The following PTPRD variants were observed in gnomAD, a reference collection of about 807,000 sequenced individuals.
PTPRD encodes receptor-type tyrosine-protein phosphatase delta.
Under a neutral mutation model 214.5 loss-of-function variants are expected in PTPRD, and 34 were observed. That is an observed-to-expected ratio of 0.16 (90% CI 0.12 to 0.21). PTPRD has a LOEUF of 0.21. Ranked by LOEUF, PTPRD falls within the 10% of genes least tolerant of loss-of-function variation. The pLI, the probability that PTPRD is intolerant of heterozygous loss-of-function variation, is 1.00. For missense variants in PTPRD, 2,545 were observed against 2,398.7 expected, an observed-to-expected ratio of 1.06 and a Z score of -1.27; for synonymous variants, 1,128 against 845.7, an observed-to-expected ratio of 1.33 and a Z score of -5.79.
At chr9:9,838,038 G>A (rs191236168) in intron 5 of PTPRD, among the ~76,000 whole-genome samples, 130 of 152,140 alleles carry the variant, frequency 8.5e-4, no homozygotes, top group African/African-American at 2.6e-3. Context: ...GTGTCCTTGC[G>A]ATAGTTTACT....
At chr9:10,095,512 A>G (rs980477341) in intron 3 of PTPRD, among the ~76,000 whole-genome samples, 1 of 151,610 alleles carries the variant, frequency 6.6e-6, no homozygotes, top group Non-Finnish European at 1.5e-5. Context: ...CTCATAATCA[A>G]CAACTGCATT....
chr9:10,427,304 A>G (rs1009713572), intron 2 of PTPRD, among the ~76,000 whole-genome samples: 1 of 152,078 alleles, frequency 6.6e-6, no homozygotes, highest in Non-Finnish European at 1.5e-5. Context: ...GCACACCACT[A>G]TGAAACCTAT....
intron 3 of PTPRD, among the ~76,000 whole-genome samples, chr9:10,248,960 G>T (rs984786793): frequency 2.0e-5 from 3 of 151,708 alleles, no homozygotes; most frequent in African/African-American, 7.3e-5. Context: ...TTTACCTAAG[G>T]GGTCAGTAAT....
At chr9:10,202,671 G>GATATATATATATATATATATATATAT (rs77962535) in intron 3 of PTPRD, among the ~76,000 whole-genome samples, 3 of 113,112 alleles carry the variant, frequency 2.7e-5, no homozygotes, top group Non-Finnish European at 5.3e-5. Context: ...AAATTATATG[G>GATATATATATATATATATATATATAT]ATATATATAT....
intron 5 of PTPRD, among the ~76,000 whole-genome samples, chr9:9,792,116 C>T (rs2098972009): frequency 2.9e-5 from 1 of 34,656 alleles, no homozygotes; most frequent in Non-Finnish European, 7.0e-5. Context: ...GATTTTCTGA[C>T]ACTTTTTAAA....
chr9:9,652,687 T>C, intron 7 of PTPRD, among the ~76,000 whole-genome samples: 1 of 151,802 alleles, frequency 6.6e-6, no homozygotes, highest in East Asian at 2.0e-4. Context: ...CGATCTCGGC[T>C]CACTGCAATC....
At chr9:9,454,058 G>C (rs1048381632) in intron 8 of PTPRD, among the ~76,000 whole-genome samples, 2 of 151,424 alleles carry the variant, frequency 1.3e-5, no homozygotes, top group East Asian at 3.9e-4. Flanking sequence ...TTTCCTGAAA[G>C]AATTTCACGA....
intron 14 of PTPRD, among the ~76,000 whole-genome samples, chr9:8,630,153 G>T (rs1421062851): frequency 6.6e-6 from 1 of 151,774 alleles, no homozygotes. Context: ...GCATTTGTCA[G>T]TAAAGCAGGG....
In PTPRD at chr9:8,331,718, C is replaced by T. The variant is rs1370795762; in HGVS notation, c.5398G>A (p.Val1800Ile). 4 of 1,606,584 alleles carry T rather than the reference C, an allele frequency of 2.5e-6. No individual in the cohort carries two copies. The highest frequency in any genetic ancestry group is 3.4e-6 in the Non-Finnish European group (4 of 1,176,826). ...TDARDGQSRT[V>I]RQFQFTDWPE... ...CAGTCAGTGAACTGGAACTGCCTTA[C>T]TGTTCGGGACTGGCCGTCCTTTAGA... Residue 1800 changes from valine to isoleucine, a missense_variant, in exon 44 of 46, where the codon GTA becomes ATA. Transcript: ENST00000381196.
At chr9:9,164,881 AAAAC>A (rs869128697) in intron 10 of PTPRD, among the ~76,000 whole-genome samples, 1 of 131,954 alleles carries the variant, frequency 7.6e-6, no homozygotes, top group African/African-American at 3.3e-5. Context: ...AAAACAAAAC[AAAAC>A]AAACAAACCA....
chr9:10,267,979 C>G (rs2094177707), intron 3 of PTPRD, among the ~76,000 whole-genome samples: 1 of 151,934 alleles, frequency 6.6e-6, no homozygotes, highest in Non-Finnish European at 1.5e-5. Flanking sequence ...AAAAAATATG[C>G]TAAAAAAATA....
chr9:8,685,404 C>A (rs566945418), intron 12 of PTPRD, among the ~76,000 whole-genome samples: 10 of 152,178 alleles, frequency 6.6e-5, no homozygotes, highest in African/African-American at 2.2e-4. Context: ...AACCAACAGA[C>A]GAGAGCTTAA....
rs564605489 is a variant in PTPRD at position 8,739,625 on chromosome 9, G to A, written c.-103-5679C>T. On this transcript the variant is annotated intron_variant, in intron 11 of 45. Transcript: ENST00000381196. Reference sequence around the variant, plus strand: ...AATGAGGTGAGAATTCTGAGTTCTCGTAGTCCTTGGCTTCCCAATAACCAG... The same window carrying A: ...AATGAGGTGAGAATTCTGAGTTCTCATAGTCCTTGGCTTCCCAATAACCAG... 3.9e-5 allele frequency among the ~76,000 whole-genome samples: 6 copies of A among 152,264 alleles called. 1 individual carries two copies. Among genetic ancestry groups the A allele is most frequent in the Admixed American group, 2.6e-4 (4 of 15,302 alleles).
At chr9:9,922,010 A>C (rs1414602538) in intron 5 of PTPRD, among the ~76,000 whole-genome samples, 1 of 152,108 alleles carries the variant, frequency 6.6e-6, no homozygotes, top group Admixed American at 6.6e-5. Context: ...TAATTCAATA[A>C]ATTGTGGAGG....
chr9:10,097,937 A>G (rs2098508796), intron 3 of PTPRD, among the ~76,000 whole-genome samples: 1 of 151,792 alleles, frequency 6.6e-6, no homozygotes, highest in Non-Finnish European at 1.5e-5. Flanking sequence ...CGGTGTAGCG[A>G]TTCCTCAGGG....
chr9:10,544,045 A>G lies in PTPRD; in HGVS notation c.-600+68353T>C, dbSNP rs574205428. Among the ~76,000 whole-genome samples the G allele has an allele frequency of 2.6e-5, 4 of 152,288 alleles. No homozygotes were observed. In the South Asian group the frequency reaches 6.2e-4, roughly 24 times the overall value. ...TTTCACACCACTCCTTTAAGGTACTATATCATCATAGTCTTAATAACTTTG... is the reference window on the plus strand; with the variant it reads ...TTTCACACCACTCCTTTAAGGTACTGTATCATCATAGTCTTAATAACTTTG... On this transcript the variant is annotated intron_variant, in intron 2 of 45. Transcript: ENST00000381196.
In PTPRD at chr9:9,989,814, G is replaced by A. The variant is rs554282125; in HGVS notation, c.-472+43904C>T. ...CCTAGGCACTGCCATGGGCCCCTAC[G>A]GGGTTCGTTCTTGCTGGTGCCCAAA... On this transcript the variant is annotated intron_variant, in intron 4 of 45. Transcript: ENST00000381196. 2.1e-3 allele frequency among the ~76,000 whole-genome samples: 321 copies of A among 152,292 alleles called. 1 individual carries two copies. The highest frequency in any genetic ancestry group is 7.4e-3 in the African/African-American group (307 of 41,576).
chr9:10,014,806 T>C (rs2096668955), intron 4 of PTPRD, among the ~76,000 whole-genome samples: 1 of 152,054 alleles, frequency 6.6e-6, no homozygotes, highest in South Asian at 2.1e-4. Flanking sequence ...AGACCTTTGA[T>C]GTGACTAAGT....
intron 4 of PTPRD, among the ~76,000 whole-genome samples, chr9:10,027,655 G>A (rs73641811): frequency 1.7e-3 from 262 of 152,110 alleles, no homozygotes; most frequent in African/African-American, 6.0e-3. Flanking sequence ...GAAAAATTTT[G>A]AGCATTGAAC....
Sources: gnomAD v4.1 joint callset for allele counts (sites outside exome capture counted in the v4.1 genomes callset) on GRCh38, gnomAD v4.1.1 for gene constraint, MANE v1.5 for transcripts, NCBI Gene and HGNC (gene_info 2026-07-23, HGNC 2026-07-21) for gene names.